Variants in EZR observed in about 807,000 individuals in gnomAD.
EZR encodes the protein cytovillin 2.
In EZR, 40 loss-of-function variants were observed where a neutral mutation model predicts 74.8. That is an observed-to-expected ratio of 0.53 (90% CI 0.42 to 0.70). The LOEUF (loss-of-function observed/expected upper bound fraction) is 0.70. EZR is among the 30% of genes least tolerant of loss of function. EZR has a pLI of 0.00. For synonymous variants in EZR, 341 were observed against 283.3 expected (o/e 1.20, Z -2.05); for missense variants, 678 against 755.8 (o/e 0.90, Z 1.21).
chr6:158,770,034 G>GC, intron 10 of EZR, 90 bp from the exon 11 acceptor site: 1 of 1,531,342 alleles, frequency 6.5e-7, no homozygotes, highest in East Asian at 2.3e-5. Flanking sequence ...AAGCCACAGA[G>GC]CCCTAGACCA....
chr6:158,770,205 G>A (rs979508734), intron 10 of EZR, among the ~76,000 whole-genome samples: 74 of 152,308 alleles, frequency 4.9e-4, no homozygotes, highest in African/African-American at 1.3e-3. Context: ...CCCTCTTGGC[G>A]CTACTCTCCC....
At chr6:158,774,452 C>T (rs1274208191) in intron 8 of EZR, among the ~76,000 whole-genome samples, 1 of 152,078 alleles carries the variant, frequency 6.6e-6, no homozygotes, top group Admixed American at 6.5e-5. Context: ...TAAATGTAGG[C>T]TCACCAGGGT....
chr6:158,815,037 G>A (rs760348611), intron 2 of EZR, among the ~76,000 whole-genome samples: 1 of 152,174 alleles, frequency 6.6e-6, no homozygotes. Context: ...ACTACTCAGA[G>A]GTATCCATCC....
chr6:158,773,756 T>G (rs753017), intron 8 of EZR, among the ~76,000 whole-genome samples: 109,717 of 152,212 alleles, frequency 0.72, 41,025 homozygotes, highest in Non-Finnish European at 0.83. Flanking sequence ...GGGGGAAGCG[T>G]CCGAGGAGTC....
chr6:158,799,741 C>T (rs1753219496), intron 2 of EZR, among the ~76,000 whole-genome samples: 1 of 152,234 alleles, frequency 6.6e-6, no homozygotes, highest in African/African-American at 2.4e-5. Flanking sequence ...AATGCAGATA[C>T]TCTAATTCGG....
At chr6:158,768,279 G>A (rs977987515) in intron 12 of EZR, among the ~76,000 whole-genome samples, 5 of 151,804 alleles carry the variant, frequency 3.3e-5, no homozygotes, top group Non-Finnish European at 5.9e-5. Context: ...CTTCCCCTTC[G>A]CCTTCTGCCA....
At chr6:158,787,683 G>A (rs1562497869) in intron 3 of EZR, among the ~76,000 whole-genome samples, 1 of 152,294 alleles carries the variant, frequency 6.6e-6, no homozygotes, top group East Asian at 1.9e-4. Context: ...CAGCCAGCTG[G>A]CCCAGGGGTC....
intron 1 of EZR, among the ~76,000 whole-genome samples, chr6:158,818,516 A>G (rs1583596125): frequency 2.0e-5 from 1 of 50,780 alleles, no homozygotes; most frequent in South Asian, 6.7e-4. Flanking sequence ...CGGGAGAGAG[A>G]GGGCAGGGGG....
In EZR at chr6:158,809,821, A is replaced by AG. The variant is rs762690011; in HGVS notation, c.12+8260dup. Among the ~76,000 whole-genome samples the AG allele has an allele frequency of 3.9e-5, 6 of 152,292 alleles. No individual in the cohort carries two copies. In the East Asian group the frequency reaches 7.8e-4, roughly 20 times the overall value. The stretch of plus-strand genomic sequence containing the variant: ...TTTAGGCTTTGAGGGTCTTACTTGG[A>AG]GTCCGTTGCATATTGTTGTTTTTAA... On this transcript the variant is annotated intron_variant, in intron 2 of 13. Transcript: ENST00000367075.
chr6:158,769,904 C>T lies in EZR; in HGVS notation c.1131G>A (p.Glu377=), dbSNP rs112461897. The stretch of plus-strand genomic sequence containing the variant: ...CCTCCTCCTGTGCCCGCTTCCTCTC[C>T]TCCTCCAGCTGCAGGGCCCTCTGAA... The part of the protein sequence containing the change: ...EQIQRALQLE[E]ERKRAQEEAE... Residue 377 remains glutamate, a synonymous_variant, in exon 11 of 14, where the codon GAG becomes GAA. Transcript: ENST00000367075. The T allele has an allele frequency of 1.3e-3, 2,063 of 1,613,114 alleles. 10 individuals carry two copies. Among genetic ancestry groups the T allele is most frequent in the Middle Eastern group, 5.4e-3 (33 of 6,058 alleles).
At chr6:158,818,522 G>A (rs1777616004) in intron 1 of EZR, among the ~76,000 whole-genome samples, 1 of 150,552 alleles carries the variant, frequency 6.6e-6, no homozygotes, top group Non-Finnish European at 1.5e-5. Flanking sequence ...AGAGAGGGCA[G>A]GGGGAACACT....
chr6:158,808,885 TGAGA>T, intron 2 of EZR, among the ~76,000 whole-genome samples: 1 of 152,342 alleles, frequency 6.6e-6, no homozygotes, highest in East Asian at 1.9e-4. Context: ...GCCAACACTT[TGAGA>T]GACTGAGGCA....
At chr6:158,778,715 C>T (rs1791348450) in intron 7 of EZR, among the ~76,000 whole-genome samples, 1 of 152,132 alleles carries the variant, frequency 6.6e-6, no homozygotes, top group South Asian at 2.1e-4. Flanking sequence ...TCTCGAGGAG[C>T]CAGGCAGCAA....
Position 158,767,296 on chromosome 6 carries a change from C to T in EZR, c.1561G>A (p.Ala521Thr), listed in dbSNP as rs542481082. 436 of 1,614,090 alleles carry T rather than the reference C, an allele frequency of 2.7e-4. 6 individuals carry two copies. In the South Asian group the frequency reaches 4.6e-3, roughly 17 times the overall value. The change falls in exon 13 of 14, where the codon GCA becomes ACA. Residue 521 changes from alanine to threonine, a missense_variant. Ala to Thr is a moderately conservative substitution (Grantham distance 58). Transcript: ENST00000367075. Reference protein sequence around the residue: ...DRNEEKRITEAEKNERVQRQL... With the variant: ...DRNEEKRITETEKNERVQRQL... ...CGCTGCACACGCTCGTTCTTCTCTG[C>T]CTCAGTGATGCGCTTCTCCTCATTG...
rs1777032395 is a variant in EZR at position 158,794,707 on chromosome 6, G to GGT, written c.13-5338_13-5337dup. ...AGGCAACGCAATCACGTGTAGTACA[G>GGT]GTGTGTGTATAGTAAGCAGTTAGTC... On this transcript the variant is annotated intron_variant, in intron 2 of 13. Coordinates refer to ENST00000367075, the MANE Select transcript of EZR (RefSeq NM_001111077.2). Among the ~76,000 whole-genome samples, 2 of 152,108 alleles carry GGT rather than the reference G, an allele frequency of 1.3e-5. 1 individual carries two copies. The highest frequency in any genetic ancestry group is 4.1e-4 in the South Asian group (2 of 4,824).
chr6:158,769,501 G>A (rs1435193672), intron 11 of EZR, 83 bp from the exon 12 acceptor site: 10 of 1,396,180 alleles, frequency 7.2e-6, no homozygotes, highest in Middle Eastern at 1.7e-4. Context: ...ATGTGTGTTG[G>A]CAAGCAGTCT....
intron 2 of EZR, among the ~76,000 whole-genome samples, chr6:158,803,318 C>T (rs564956747): frequency 6.6e-6 from 1 of 150,906 alleles, no homozygotes; most frequent in Non-Finnish European, 1.5e-5. Flanking sequence ...GTACTCGATA[C>T]GAGGTATACG....
At chr6:158,807,598 G>C (rs1415256793) in intron 2 of EZR, among the ~76,000 whole-genome samples, 1 of 152,128 alleles carries the variant, frequency 6.6e-6, no homozygotes, top group East Asian at 1.9e-4. Context: ...ACATCACAGT[G>C]GGCCCACTCC....
intron 2 of EZR, among the ~76,000 whole-genome samples, chr6:158,805,100 A>G (rs1040963099): frequency 2.0e-5 from 3 of 151,898 alleles, no homozygotes; most frequent in Non-Finnish European, 4.4e-5. Flanking sequence ...TCTAGGAAAC[A>G]ATGAGGCTGA....
Sources: allele counts gnomAD v4.1 joint callset (sites outside exome capture counted in the v4.1 genomes callset), GRCh38; gene constraint gnomAD v4.1.1; transcripts MANE v1.5; gene names NCBI Gene and HGNC (gene_info 2026-07-23, HGNC 2026-07-21).